The following LRP4 variants were observed in gnomAD, a reference collection of about 807,000 sequenced individuals.
LRP4 encodes the protein low-density lipoprotein receptor-related protein 4.
Under a neutral mutation model 220.3 loss-of-function variants are expected in LRP4, and 95 were observed. The observed-to-expected ratio is 0.43, with a 90% CI of 0.37 to 0.51. The LOEUF (loss-of-function observed/expected upper bound fraction) is 0.51, where lower values mean the gene tolerates loss of function less well. Ranked by LOEUF, LRP4 falls within the 20% of genes least tolerant of loss-of-function variation. LRP4 has a pLI of 0.00. For missense variants in LRP4, 1,925 were observed against 2,567.0 expected (o/e 0.75, Z 5.40); for synonymous variants, 903 against 954.6 (o/e 0.95, Z 1.00).
intron 25 of LRP4, 61 bp downstream of exon 25, chr11:46,876,405 C>A: frequency 6.2e-7 from 1 of 1,602,348 alleles, no homozygotes; most frequent in Non-Finnish European, 8.6e-7. Context: ...ACCTTTACCC[C>A]GTCATAACCC....
At chr11:46,891,978 T>G (rs895435173) in intron 13 of LRP4, among the ~76,000 whole-genome samples, 2 of 152,122 alleles carry the variant, frequency 1.3e-5, no homozygotes, top group Non-Finnish European at 2.9e-5. Context: ...TCACCCAGGC[T>G]GGAGGTCACT....
At chr11:46,861,531 T>TTTTTTA (rs1940550068) in intron 37 of LRP4, among the ~76,000 whole-genome samples, 1 of 112,688 alleles carries the variant, frequency 8.9e-6, no homozygotes, top group Admixed American at 9.9e-5. Context: ...GACTTTTTTT[T>TTTTTTA]TTTTTTTTTT....
intron 1 of LRP4, among the ~76,000 whole-genome samples, chr11:46,917,362 T>C (rs1449376887): frequency 6.6e-6 from 1 of 152,124 alleles, no homozygotes; most frequent in African/African-American, 2.4e-5. Context: ...AAGATCAAAG[T>C]TCTTTGATCT....
chr11:46,905,294 T>C (rs1228273696), intron 1 of LRP4, among the ~76,000 whole-genome samples: 1 of 152,222 alleles, frequency 6.6e-6, no homozygotes, highest in Non-Finnish European at 1.5e-5. Context: ...AGCACAGCTG[T>C]AGGCACCCTT....
Position 46,918,318 on chromosome 11 carries a change from C to T in LRP4, c.52+10G>A. On this transcript the variant is annotated intron_variant, in intron 1 of 37. Coordinates refer to ENST00000378623, the MANE Select transcript of LRP4 (RefSeq NM_002334.4). The surrounding 1 kb of genome is among the most constrained non-coding windows in gnomAD (Gnocchi z 6.0). ...CCCAGGGACAAACTTTCCCGGCGGG[C>T]GCCGCTTACCGTGTGCGCAGAGCAG... The T allele has an allele frequency of 6.6e-7, 1 of 1,509,330 alleles. No individual in the cohort carries two copies. Among genetic ancestry groups the T allele is most frequent in the Non-Finnish European group, 8.8e-7 (1 of 1,134,866 alleles). The allele number at this position is 1,509,330 out of a possible 1,614,324, so 93.5% of individuals were successfully genotyped here. A position where few individuals can be genotyped will look rare whatever the true frequency, so the allele number is the denominator to read the frequency against.
chr11:46,858,877 G>A lies in LRP4; in HGVS notation c.*106C>T, dbSNP rs1483575496. 4 of 1,072,784 alleles carry A rather than the reference G, an allele frequency of 3.7e-6. No individual in the cohort carries two copies. The highest frequency in any genetic ancestry group is 1.3e-5 in the South Asian group (1 of 78,844). The allele number at this position is 1,072,784 out of a possible 1,614,324, so 66.5% of individuals were successfully genotyped here. On this transcript the variant is annotated 3_prime_UTR_variant, in exon 38 of 38. Transcript: ENST00000378623. ...AGGAACAGTTATGGGGTGGGAGGAG[G>A]AGGAGGACAAGCACACAGAAGCGGG...
At chr11:46,882,315 C>G (rs574241653) in intron 19 of LRP4, among the ~76,000 whole-genome samples, 4 of 151,214 alleles carry the variant, frequency 2.6e-5, no homozygotes, top group Admixed American at 1.3e-4. Context: ...GATCCCATCT[C>G]TACCAAAAAA....
In LRP4 at chr11:46,864,875, T is replaced by C. The variant is rs986199092; in HGVS notation, c.5155+244A>G. Reference sequence around the variant, plus strand: ...GGAGGAAATTACATGAGAGTATGTATATATGCATGTGCACACACATATAAT... The same window carrying C: ...GGAGGAAATTACATGAGAGTATGTACATATGCATGTGCACACACATATAAT... On this transcript the variant is annotated intron_variant, in intron 35 of 37. Coordinates refer to ENST00000378623, the MANE Select transcript of LRP4 (RefSeq NM_002334.4). Among the ~76,000 whole-genome samples the C allele has an allele frequency of 2.0e-5, 3 of 152,218 alleles. No individual in the cohort carries two copies. The East Asian group carries it at 5.8e-4, about 29-fold the overall frequency.
In LRP4 at chr11:46,895,891, C is replaced by T. The variant is rs147253306; in HGVS notation, c.1176G>A (p.Thr392=). The part of the protein sequence containing the change: ...TGYRLTEDGH[T]CQDVNECAEE... ...AACCAGGCCCCAGCTCACCTTGGCA[C>T]GTGTGCCCATCCTCTGTGAGCCGGT... Residue 392 remains threonine (T), a synonymous_variant, in exon 10 of 38, where the codon ACG becomes ACA. Coordinates refer to ENST00000378623, the MANE Select transcript of LRP4 (RefSeq NM_002334.4). 8.7e-6 allele frequency: 14 copies of T among 1,612,784 alleles called. No individual in the cohort carries two copies. The highest frequency in any genetic ancestry group is 2.7e-5 in the African/African-American group (2 of 74,948).
At position 46,918,067 on chromosome 11, in the gene LRP4, C is replaced by T. The variant is rs1340043465; in HGVS notation, c.52+261G>A. Among the ~76,000 whole-genome samples, 3 of 152,214 alleles carry T rather than the reference C, an allele frequency of 2.0e-5. No individual in the cohort carries two copies. The highest frequency in any genetic ancestry group is 2.9e-5 in the Non-Finnish European group (2 of 68,028). On this transcript the variant is annotated intron_variant, in intron 1 of 37. Coordinates refer to ENST00000378623, the MANE Select transcript of LRP4 (RefSeq NM_002334.4). This position sits in a 1 kb window ranked among gnomAD's most constrained non-coding sequence, Gnocchi z 6.0. ...GCGAGGGAGGGCGAGCGAACGAACG[C>T]CCCGGACCTTACCCGCGCCCCGGCC...
rs986524567 is a variant in LRP4, at chr11:46,899,493, C to T, written c.441G>A (p.Lys147=). The change falls in exon 5 of 38, where the codon AAG becomes AAA. Residue 147 remains lysine (K), a synonymous_variant. Coordinates refer to ENST00000378623, the MANE Select transcript of LRP4 (RefSeq NM_002334.4). The surrounding 1 kb of genome is among the most constrained non-coding windows in gnomAD (Gnocchi z 5.9). ...TACAGCGGAACTCCTTGTCGGAGCA[C>T]TTGCGCATGTCTGGGGGGATGCGAT... ...DNSDEQCDMR[K]CSDKEFRCSD... is the part of the protein sequence containing the mutation. 3.7e-6 allele frequency: 6 copies of T among 1,612,652 alleles called. No individual in the cohort carries two copies. The Admixed American group carries it at 1.0e-4, about 27-fold the overall frequency.
chr11:46,861,506 TC>T (rs1230861749), intron 37 of LRP4, among the ~76,000 whole-genome samples: 1 of 149,758 alleles, frequency 6.7e-6, no homozygotes, highest in Non-Finnish European at 1.5e-5. Context: ...ATAGTTAGTT[TC>T]CTTGTGGAAA....
intron 22 of LRP4, among the ~76,000 whole-genome samples, chr11:46,877,933 C>G (rs776761054): frequency 6.6e-6 from 1 of 151,928 alleles, no homozygotes; most frequent in Non-Finnish European, 1.5e-5. Flanking sequence ...TTTGAAGGAC[C>G]CTTTACCATG....
chr11:46,880,890 A>G (rs1941138951), intron 20 of LRP4, among the ~76,000 whole-genome samples: 1 of 151,628 alleles, frequency 6.6e-6, no homozygotes, highest in Admixed American at 6.6e-5. Flanking sequence ...AGCCTGGGTA[A>G]TACAGGAAGT....
chr11:46,874,716 C>G (rs1368314181), intron 28 of LRP4, 84 bp downstream of exon 28: 1 of 1,179,368 alleles, frequency 8.5e-7, no homozygotes, highest in African/African-American at 1.5e-5. Flanking sequence ...AATCACTCAT[C>G]CATTTAGTGG....
At chr11:46,880,908 A>G (rs1592528408) in intron 20 of LRP4, among the ~76,000 whole-genome samples, 1 of 150,266 alleles carries the variant, frequency 6.7e-6, no homozygotes, top group East Asian at 1.9e-4. Context: ...AGTCTCTACC[A>G]AAAAAAAAGA....
At chr11:46,914,076 CT>C (rs778537192) in intron 1 of LRP4, among the ~76,000 whole-genome samples, 11 of 152,046 alleles carry the variant, frequency 7.2e-5, no homozygotes, top group Non-Finnish European at 1.2e-4. Context: ...TTACAGCTAA[CT>C]TTTATCAAGC....
intron 2 of LRP4, among the ~76,000 whole-genome samples, chr11:46,901,688 G>A (rs1366539978): frequency 6.6e-6 from 1 of 152,072 alleles, no homozygotes; most frequent in Non-Finnish European, 1.5e-5. Context: ...CTGGCCAACT[G>A]TGCAGATGTT....
chr11:46,860,925 G>T, intron 37 of LRP4: 2 of 984,302 alleles, frequency 2.0e-6, no homozygotes. Flanking sequence ...ACAGCAACAG[G>T]TACCTGAAAT....
Sources: allele counts gnomAD v4.1 joint callset (sites outside exome capture counted in the v4.1 genomes callset), GRCh38; gene constraint gnomAD v4.1.1; non-coding constraint Gnocchi (gnomAD v3.1); transcripts MANE v1.5; gene names NCBI Gene and HGNC (gene_info 2026-07-23, HGNC 2026-07-21).